Variants in WWOX observed in about 807,000 individuals in gnomAD.
WWOX encodes WW domain containing oxidoreductase.
In WWOX, 69 loss-of-function variants were observed where a neutral mutation model predicts 46.2. The ratio of observed to expected loss-of-function variants is 1.49; its 90% CI spans 1.23 to 1.82. The LOEUF is 1.82. Among genes scored for constraint, WWOX ranks in the 40% most tolerant of loss-of-function variants. The probability of loss-of-function intolerance (pLI) is 0.00; values close to 1 mark genes in which losing one functional copy is unlikely to be tolerated. For synonymous variants in WWOX, 359 were observed against 202.6 expected (o/e 1.77, Z -6.56); for missense variants, 919 against 542.6 (o/e 1.69, Z -6.89).
At chr16:78,776,189 T>C (rs939093406) in intron 8 of WWOX, among the ~76,000 whole-genome samples, 1 of 152,178 alleles carries the variant, frequency 6.6e-6, no homozygotes, top group Non-Finnish European at 1.5e-5. Context: ...AAGGATGTTT[T>C]CCAGTCTTTC....
intron 8 of WWOX, among the ~76,000 whole-genome samples, chr16:78,637,817 A>C (rs1031137805): frequency 1.3e-5 from 2 of 152,128 alleles, no homozygotes; most frequent in Admixed American, 6.5e-5. Context: ...GTCCCAGGCC[A>C]GGGCCTATTG....
At chr16:78,522,006 G>A (rs140955847) in intron 8 of WWOX, among the ~76,000 whole-genome samples, 509 of 152,244 alleles carry the variant, frequency 3.3e-3, no homozygotes, top group Middle Eastern at 0.01. Context: ...GAAATTCAGA[G>A]AGATTAAGTA....
chr16:78,329,617 C>T (rs1948548831), intron 5 of WWOX, among the ~76,000 whole-genome samples: 1 of 152,208 alleles, frequency 6.6e-6, no homozygotes, highest in African/African-American at 2.4e-5. Context: ...TAAAATATAG[C>T]AGTTTCCTGC....
chr16:79,098,252 C>T (rs1213277225), intron 8 of WWOX, among the ~76,000 whole-genome samples: 1 of 152,198 alleles, frequency 6.6e-6, no homozygotes, highest in African/African-American at 2.4e-5. Flanking sequence ...AGCAGAGGCA[C>T]AGTCACATTT....
At chr16:78,364,739 G>A (rs982939417) in intron 5 of WWOX, among the ~76,000 whole-genome samples, 14 of 152,286 alleles carry the variant, frequency 9.2e-5, no homozygotes, top group African/African-American at 3.1e-4. Context: ...GTTAGTGTTT[G>A]AAGGATTAAT....
chr16:78,451,917 A>G (rs1268615416), intron 8 of WWOX, among the ~76,000 whole-genome samples: 1 of 152,218 alleles, frequency 6.6e-6, no homozygotes, highest in Admixed American at 6.5e-5. Context: ...GAATGAAATT[A>G]TAACGTAATG....
At chr16:78,633,198 G>A (rs1597374679) in intron 8 of WWOX, among the ~76,000 whole-genome samples, 1 of 152,158 alleles carries the variant, frequency 6.6e-6, no homozygotes, top group African/African-American at 2.4e-5. Context: ...GGAGGCAGAG[G>A]TTGCAGTGAG....
chr16:78,800,570 C>G (rs1324693938), intron 8 of WWOX, among the ~76,000 whole-genome samples: 1 of 152,202 alleles, frequency 6.6e-6, no homozygotes, highest in Non-Finnish European at 1.5e-5. Context: ...TATGCAGAAT[C>G]TGTCCCCACT....
At chr16:78,356,274 A>T (rs935875430) in intron 5 of WWOX, among the ~76,000 whole-genome samples, 3 of 152,004 alleles carry the variant, frequency 2.0e-5, no homozygotes, top group Non-Finnish European at 2.9e-5. Context: ...CATATATATC[A>T]CATTTCTTTT....
chr16:78,358,268 T>C (rs1244686571), intron 5 of WWOX, among the ~76,000 whole-genome samples: 3 of 152,232 alleles, frequency 2.0e-5, no homozygotes, highest in East Asian at 1.9e-4. Context: ...ATGTATGTTA[T>C]ACACTCACAT....
intron 8 of WWOX, among the ~76,000 whole-genome samples, chr16:78,768,581 C>G (rs2049984151): frequency 6.9e-6 from 1 of 145,776 alleles, no homozygotes; most frequent in Non-Finnish European, 1.5e-5. Flanking sequence ...CACAGTGAGA[C>G]TTCATCTCGA....
chr16:79,193,413 A>C (rs1309571339), intron 8 of WWOX, among the ~76,000 whole-genome samples: 1 of 152,182 alleles, frequency 6.6e-6, no homozygotes, highest in Non-Finnish European at 1.5e-5. Context: ...TGCCTCACTG[A>C]AACTTGAATC....
chr16:78,827,483 C>T (rs191692769), intron 8 of WWOX, among the ~76,000 whole-genome samples: 2 of 152,092 alleles, frequency 1.3e-5, no homozygotes, highest in East Asian at 1.9e-4. Flanking sequence ...ACATTTCCAG[C>T]CCCATTTTCT....
At chr16:78,463,670 G>T (rs1181063436) in intron 8 of WWOX, among the ~76,000 whole-genome samples, 1 of 152,180 alleles carries the variant, frequency 6.6e-6, no homozygotes, top group African/African-American at 2.4e-5. Flanking sequence ...TTCTGTGACT[G>T]TTAGAATCTG....
rs539755047 is a variant in WWOX, at chr16:78,350,698, A to G, written c.517-36162A>G. On this transcript the variant is annotated intron_variant, in intron 5 of 8. Transcript: ENST00000566780. ...TATGCCACATTTCATCTATGCATTCAGTTCACGGACATGTAGGTTGTTTCC... is the reference window on the plus strand; with the variant it reads ...TATGCCACATTTCATCTATGCATTCGGTTCACGGACATGTAGGTTGTTTCC... Among the ~76,000 whole-genome samples, 622 of 121,518 alleles carry G rather than the reference A, an allele frequency of 5.1e-3. 193 individuals are homozygous for G. Among genetic ancestry groups the G allele is most frequent in the Non-Finnish European group, 9.0e-3 (457 of 50,752 alleles). 79.7% of individuals were successfully genotyped at this position (121,518 alleles called of 152,430 possible). A position where few individuals can be genotyped will look rare whatever the true frequency, so the allele number is the denominator to read the frequency against.
chr16:78,991,908 C>T (rs543002621), intron 8 of WWOX, among the ~76,000 whole-genome samples: 1 of 152,176 alleles, frequency 6.6e-6, no homozygotes, highest in East Asian at 1.9e-4. Flanking sequence ...TTCCTTTGTT[C>T]CCGCCTAACA....
intron 5 of WWOX, among the ~76,000 whole-genome samples, chr16:78,379,970 G>C (rs946549673): frequency 6.6e-6 from 1 of 152,190 alleles, no homozygotes; most frequent in Admixed American, 6.5e-5. Flanking sequence ...TCTGGAAAAC[G>C]CATTCATCTT....
At chr16:78,402,917 G>C (rs2082446333) in intron 6 of WWOX, among the ~76,000 whole-genome samples, 1 of 152,178 alleles carries the variant, frequency 6.6e-6, no homozygotes, top group South Asian at 2.1e-4. Context: ...CCAGAGCCAA[G>C]TGCCATTCTC....
rs539890995 is a variant in WWOX, at chr16:78,305,257, CG to C, written c.517-81599del. ...GGGGGACTACGTTTTTCATGGAGAC[CG>C]GGGCCCTCCAGCTGCTGTGATGATC... On this transcript the variant is annotated intron_variant, in intron 5 of 8. Coordinates refer to ENST00000566780, the MANE Select transcript of WWOX (RefSeq NM_016373.4). 6.2e-4 allele frequency among the ~76,000 whole-genome samples: 95 copies of C among 152,116 alleles called. 1 individual carries two copies. The highest frequency in any genetic ancestry group is 3.9e-3 in the East Asian group (20 of 5,166).
Sources: gnomAD v4.1 joint callset for allele counts (sites outside exome capture counted in the v4.1 genomes callset) on GRCh38, gnomAD v4.1.1 for gene constraint, MANE v1.5 for transcripts, NCBI Gene and HGNC (gene_info 2026-07-23, HGNC 2026-07-21) for gene names.